Variants in DPYS observed in about 807,000 individuals in gnomAD.
The protein encoded by DPYS is dihydropyrimidinase, also known as dihydropyrimidine amidohydrolase.
DPYS carries 39 observed loss-of-function variants against 50.3 expected under a neutral mutation model. That is an observed-to-expected ratio of 0.78 (90% confidence interval 0.60 to 1.01). The LOEUF (loss-of-function observed/expected upper bound fraction) is 1.01, where lower values mean the gene tolerates loss of function less well. Ranked by LOEUF, DPYS falls within the 50% of genes least tolerant of loss-of-function variation. The probability of loss-of-function intolerance (pLI) is 0.00; values close to 1 mark genes in which losing one functional copy is unlikely to be tolerated. For missense variants in DPYS, 659 were observed against 680.9 expected (o/e 0.97, Z 0.36); for synonymous variants, 245 against 250.7 (o/e 0.98, Z 0.22).
chr8:104,436,164 G>C (rs577645171), intron 4 of DPYS, among the ~76,000 whole-genome samples: 81 of 152,308 alleles, frequency 5.3e-4, no homozygotes, highest in African/African-American at 1.9e-3. Context: ...TCAGGAAACA[G>C]ACACGCTTGG....
chr8:104,393,439 C>T (rs899027346), intron 7 of DPYS, among the ~76,000 whole-genome samples: 1 of 152,078 alleles, frequency 6.6e-6, no homozygotes, highest in Non-Finnish European at 1.5e-5. Flanking sequence ...TTCCCAAATC[C>T]CATGCCCGTT....
At chr8:104,400,255 G>T (rs925117104) in intron 7 of DPYS, among the ~76,000 whole-genome samples, 2 of 152,170 alleles carry the variant, frequency 1.3e-5, no homozygotes, top group African/African-American at 4.8e-5. Flanking sequence ...TTGTCCTCTG[G>T]AGAATAATTC....
chr8:104,449,946 GC>G (rs912228773), intron 2 of DPYS, among the ~76,000 whole-genome samples: 1 of 152,146 alleles, frequency 6.6e-6, no homozygotes, highest in African/African-American at 2.4e-5. Context: ...GGTTACAGCA[GC>G]CCTAGCAAAC....
At chr8:104,451,014 TA>T (rs1426832682) in intron 2 of DPYS, among the ~76,000 whole-genome samples, 1 of 152,212 alleles carries the variant, frequency 6.6e-6, no homozygotes, top group Non-Finnish European at 1.5e-5. Context: ...TGAATGAGCA[TA>T]AAAGATTTAT....
intron 7 of DPYS, chr8:104,418,649 G>A (rs1432530183): frequency 6.6e-6 from 1 of 152,258 alleles, no homozygotes; most frequent in African/African-American, 2.4e-5. Flanking sequence ...AGAACCCCCT[G>A]TCAATGCCTT....
chr8:104,452,690 A>T (rs112254127), intron 1 of DPYS, among the ~76,000 whole-genome samples: 8,531 of 152,074 alleles, frequency 0.056, 276 homozygotes, highest in South Asian at 0.072. Flanking sequence ...AAAAATGTAA[A>T]ATTAGCCAGG....
chr8:104,435,093 G>T lies in DPYS; in HGVS notation c.794-5392C>A, dbSNP rs143929980. On this transcript the variant is annotated intron_variant, in intron 4 of 9. Transcript: ENST00000351513. ...GAAGTACAAAGGTGAAGTGAACAATGCATTTCCTAAAAAGCCATTAATGAT... is the reference window on the plus strand; with the variant it reads ...GAAGTACAAAGGTGAAGTGAACAATTCATTTCCTAAAAAGCCATTAATGAT... Among the ~76,000 whole-genome samples, 427 of 152,284 alleles carry T rather than the reference G, an allele frequency of 2.8e-3. 2 individuals are homozygous for T. Among genetic ancestry groups the T allele is most frequent in the Middle Eastern group, 0.017 (5 of 294 alleles).
chr8:104,387,031 A>G (rs1406776152), intron 8 of DPYS, among the ~76,000 whole-genome samples: 1 of 152,194 alleles, frequency 6.6e-6, no homozygotes. Context: ...AATATCAATA[A>G]AGACAACAGA....
At chr8:104,390,550 T>C (rs1811354996) in intron 8 of DPYS, among the ~76,000 whole-genome samples, 1 of 150,798 alleles carries the variant, frequency 6.6e-6, no homozygotes, top group South Asian at 2.1e-4. Flanking sequence ...CAGGCTGGAG[T>C]GCAGTGGTGT....
At chr8:104,465,363 A>T (rs1814330384) in intron 1 of DPYS, among the ~76,000 whole-genome samples, 1 of 152,184 alleles carries the variant, frequency 6.6e-6, no homozygotes, top group African/African-American at 2.4e-5. Context: ...TGGACTTAAT[A>T]GCCCAACTTG....
chr8:104,403,190 C>G (rs1811879065), intron 7 of DPYS, among the ~76,000 whole-genome samples: 1 of 152,192 alleles, frequency 6.6e-6, no homozygotes, highest in Non-Finnish European at 1.5e-5. Context: ...AGGGTGTCCA[C>G]TGTACTCCTG....
At chr8:104,432,394 G>A (rs1055296708) in intron 4 of DPYS, among the ~76,000 whole-genome samples, 1 of 152,148 alleles carries the variant, frequency 6.6e-6, no homozygotes, top group Non-Finnish European at 1.5e-5. Context: ...TTAACACCTT[G>A]TCTGGATCTG....
At chr8:104,416,747 C>T (rs58417970) in intron 7 of DPYS, among the ~76,000 whole-genome samples, 3,050 of 152,164 alleles carry the variant, frequency 0.02, 98 homozygotes, top group African/African-American at 0.07. Flanking sequence ...CAATGTGCAA[C>T]TTCAAGGGAA....
chr8:104,412,227 C>G (rs1310502398), intron 7 of DPYS, among the ~76,000 whole-genome samples: 4 of 152,200 alleles, frequency 2.6e-5, no homozygotes, highest in Non-Finnish European at 5.9e-5. Context: ...ATGCAGGCCA[C>G]GCTCCTGCCA....
intron 6 of DPYS, among the ~76,000 whole-genome samples, chr8:104,425,779 G>A (rs2140628610): frequency 6.6e-6 from 1 of 152,288 alleles, no homozygotes. Context: ...AAATTGGAAA[G>A]TGTTAGGGGT....
chr8:104,446,970 C>A (rs1813550959), intron 3 of DPYS, among the ~76,000 whole-genome samples: 2 of 152,308 alleles, frequency 1.3e-5, no homozygotes, highest in South Asian at 4.1e-4. Context: ...TCTGAACCAG[C>A]AGCCTAAGCT....
intron 7 of DPYS, among the ~76,000 whole-genome samples, chr8:104,399,316 AC>A (rs60141200): frequency 0.07 from 9,419 of 133,628 alleles, 866 homozygotes; most frequent in Middle Eastern, 0.13. Flanking sequence ...AAAAACAACA[AC>A]AAAAAAAAAC....
chr8:104,403,851 G>T (rs752320828), intron 7 of DPYS, among the ~76,000 whole-genome samples: 1 of 152,134 alleles, frequency 6.6e-6, no homozygotes, highest in East Asian at 1.9e-4. Flanking sequence ...CCACAAAAAT[G>T]GGCTGAAGCA....
At chr8:104,447,556 A>G in intron 2 of DPYS, 53 bp from the exon 3 acceptor site, 1 of 1,591,478 alleles carries the variant, frequency 6.3e-7, no homozygotes, top group Admixed American at 1.7e-5. Flanking sequence ...TTTAAATGAT[A>G]ATTTCAACCT....
Sources: gnomAD v4.1 joint callset for allele counts (sites outside exome capture counted in the v4.1 genomes callset) on GRCh38, gnomAD v4.1.1 for gene constraint, MANE v1.5 for transcripts, NCBI Gene and HGNC (gene_info 2026-07-23, HGNC 2026-07-21) for gene names.